The following CADM1 variants were observed in gnomAD, a reference collection of about 807,000 sequenced individuals.
The protein encoded by CADM1 is TSLC-1.
In CADM1, 15 loss-of-function variants were observed where a neutral mutation model predicts 53.1. The observed-to-expected ratio is 0.28, with a 90% confidence interval of 0.19 to 0.44. The LOEUF (loss-of-function observed/expected upper bound fraction) is 0.44. Among genes scored for constraint, CADM1 ranks in the 20% least tolerant of loss-of-function variants. The pLI is 1.00. For synonymous variants in CADM1, 281 were observed against 243.0 expected (o/e 1.16, Z -1.45); for missense variants, 434 against 611.3 (o/e 0.71, Z 3.06).
At chr11:115,241,753 C>T (rs1432789242) in intron 1 of CADM1, among the ~76,000 whole-genome samples, 1 of 151,292 alleles carries the variant, frequency 6.6e-6, no homozygotes, top group African/African-American at 2.4e-5. Flanking sequence ...AGTGTGGATC[C>T]AAGAATAAGG....
chr11:115,479,842 T>C (rs562713572), intron 1 of CADM1, among the ~76,000 whole-genome samples: 1 of 152,280 alleles, frequency 6.6e-6, no homozygotes, highest in Admixed American at 6.5e-5. Flanking sequence ...GGATGGTAGA[T>C]CCCAAAGAAG....
intron 4 of CADM1, 76 bp downstream of exon 4, chr11:115,231,277 T>C: frequency 6.0e-6 from 9 of 1,503,776 alleles, no homozygotes; most frequent in Non-Finnish European, 8.3e-6. Flanking sequence ...ATGTTTTGTA[T>C]TTCTCCATGA....
intron 1 of CADM1, among the ~76,000 whole-genome samples, chr11:115,403,481 T>C (rs1057045674): frequency 6.6e-6 from 1 of 152,216 alleles, no homozygotes; most frequent in African/African-American, 2.4e-5. Flanking sequence ...TCTACAGTGG[T>C]TATGTAAGAT....
At chr11:115,337,402 T>C (rs1351551626) in intron 1 of CADM1, among the ~76,000 whole-genome samples, 1 of 152,166 alleles carries the variant, frequency 6.6e-6, no homozygotes, top group Non-Finnish European at 1.5e-5. Context: ...AGCACCTCTC[T>C]TTTCCAGAGA....
In CADM1 at chr11:115,181,150, A is replaced by G. The variant is rs528233203; in HGVS notation, c.1166-2375T>C. ...CCTCTCCATGCCTAGACACAGGAAT[A>G]TTCTGGAAGCCTGAGGGGGGAGGGG... On this transcript the variant is annotated intron_variant, in intron 10 of 11. Transcript: ENST00000331581. Among the ~76,000 whole-genome samples, 3 of 126,442 alleles carry G rather than the reference A, an allele frequency of 2.4e-5. No homozygotes were observed. In the East Asian group the frequency reaches 8.5e-4, roughly 36 times the overall value. 83.0% of individuals were successfully genotyped at this position (126,442 alleles called of 152,430 possible).
chr11:115,326,210 G>C (rs1944955562), intron 1 of CADM1, among the ~76,000 whole-genome samples: 1 of 152,128 alleles, frequency 6.6e-6, no homozygotes, highest in South Asian at 2.1e-4. Context: ...GAGTTCTGCA[G>C]AACTGTCAAT....
At chr11:115,280,632 T>C (rs568918515) in intron 1 of CADM1, among the ~76,000 whole-genome samples, 8 of 152,268 alleles carry the variant, frequency 5.3e-5, no homozygotes, top group African/African-American at 1.7e-4. Context: ...GTTATTCACA[T>C]TGTATACAAA....
intron 1 of CADM1, among the ~76,000 whole-genome samples, chr11:115,426,261 C>G (rs1453289213): frequency 1.3e-5 from 2 of 152,132 alleles, no homozygotes; most frequent in Non-Finnish European, 2.9e-5. Flanking sequence ...AATGATCTCT[C>G]TCACAGATGA....
In CADM1 at chr11:115,211,636, C is replaced by T. The variant is rs1241135129; in HGVS notation, c.995-1979G>A. On this transcript the variant is annotated intron_variant, in intron 7 of 11. Transcript: ENST00000331581. ...CTGGGACTACAGGCATGCGCCACCA[C>T]ACCCAGCTAATTTTTGTATTTTTTT... Among the ~76,000 whole-genome samples, 3 of 150,516 alleles carry T rather than the reference C, an allele frequency of 2.0e-5. No individual in the cohort carries two copies. The Admixed American group carries it at 2.0e-4, about 10-fold the overall frequency.
At chr11:115,205,011 C>T (rs187813958) in intron 8 of CADM1, among the ~76,000 whole-genome samples, 2 of 152,288 alleles carry the variant, frequency 1.3e-5, no homozygotes, top group African/African-American at 4.8e-5. Context: ...TGACCTACTT[C>T]ATTCTTATGA....
chr11:115,401,027 A>C (rs1947139512), intron 1 of CADM1, among the ~76,000 whole-genome samples: 1 of 152,140 alleles, frequency 6.6e-6, no homozygotes, highest in East Asian at 1.9e-4. Context: ...TTATGTCCAC[A>C]CAAAAACCCG....
intron 8 of CADM1, 96 bp downstream of exon 8, chr11:115,209,478 C>T: frequency 6.4e-7 from 1 of 1,560,880 alleles, no homozygotes; most frequent in African/African-American, 1.4e-5. Flanking sequence ...CGATTAAATT[C>T]CAAGGATTTA....
chr11:115,265,267 G>A (rs1943102953), intron 1 of CADM1, among the ~76,000 whole-genome samples: 1 of 152,092 alleles, frequency 6.6e-6, no homozygotes, highest in African/African-American at 2.4e-5. Context: ...ATGAGGAAAG[G>A]AAAGAAGTGA....
chr11:115,324,309 A>G (rs1944902480), intron 1 of CADM1, among the ~76,000 whole-genome samples: 1 of 152,192 alleles, frequency 6.6e-6, no homozygotes, highest in South Asian at 2.1e-4. Flanking sequence ...GTTTTTAACT[A>G]CCTAACATTT....
intron 11 of CADM1, 60 bp downstream of exon 11, chr11:115,178,584 A>T: frequency 6.3e-7 from 1 of 1,581,952 alleles, no homozygotes; most frequent in Non-Finnish European, 8.6e-7. Context: ...AACCTTGTAA[A>T]GTCTCCAAAG....
intron 1 of CADM1, among the ~76,000 whole-genome samples, chr11:115,274,283 CT>C (rs1326218517): frequency 2.0e-5 from 3 of 152,206 alleles, no homozygotes; most frequent in Non-Finnish European, 4.4e-5. Flanking sequence ...ATTTCTTGCT[CT>C]GAATCACGGA....
chr11:115,340,931 G>A (rs774669732), intron 1 of CADM1, among the ~76,000 whole-genome samples: 5 of 151,528 alleles, frequency 3.3e-5, no homozygotes, highest in Admixed American at 1.3e-4. Context: ...TGGGATTACA[G>A]GCATGAGCCC....
At chr11:115,405,782 ACTACACC>A (rs1284439105) in intron 1 of CADM1, among the ~76,000 whole-genome samples, 2 of 152,224 alleles carry the variant, frequency 1.3e-5, no homozygotes, top group African/African-American at 4.8e-5. Flanking sequence ...ATGCAAAAAT[ACTACACC>A]CTACAGACAA....
At chr11:115,383,045 G>A (rs980256518) in intron 1 of CADM1, among the ~76,000 whole-genome samples, 23 of 152,158 alleles carry the variant, frequency 1.5e-4, no homozygotes, top group Admixed American at 1.2e-3. Flanking sequence ...TAAAACAAAA[G>A]TCTTATTATC....
Sources: gnomAD v4.1 joint callset for allele counts (sites outside exome capture counted in the v4.1 genomes callset) on GRCh38, gnomAD v4.1.1 for gene constraint, MANE v1.5 for transcripts, NCBI Gene and HGNC (gene_info 2026-07-23, HGNC 2026-07-21) for gene names.